GLB1: variants seen among roughly 807,000 people sequenced by gnomAD.
The protein encoded by GLB1 is beta-galactosidase.
Under a neutral mutation model 74.0 loss-of-function variants are expected in GLB1, and 56 were observed. The observed-to-expected ratio is 0.76, with a 90% CI of 0.61 to 0.94. The LOEUF (loss-of-function observed/expected upper bound fraction) is 0.94, where lower values mean the gene tolerates loss of function less well. GLB1 is among the 40% of genes least tolerant of loss of function. The pLI, the probability that GLB1 is intolerant of heterozygous loss-of-function variation, is 0.00. For missense variants in GLB1, 787 were observed against 845.5 expected (o/e 0.93, Z 0.86); for synonymous variants, 323 against 323.6 (o/e 1.00, Z 0.02).
intron 1 of GLB1, among the ~76,000 whole-genome samples, chr3:33,080,706 A>C (rs1218592328): frequency 6.6e-6 from 1 of 152,172 alleles, no homozygotes; most frequent in Non-Finnish European, 1.5e-5. Flanking sequence ...CAGAGTGATA[A>C]CTACAATATG....
chr3:32,975,605 TAGAG>T, the GLB1 span, among the ~76,000 whole-genome samples: 12 of 151,986 alleles, frequency 7.9e-5, no homozygotes, highest in African/African-American at 2.4e-4. Context: ...AAGAGGGAAA[TAGAG>T]AGAGACTGCG....
intron 9 of GLB1, among the ~76,000 whole-genome samples, chr3:33,047,564 G>C (rs1260443966): frequency 6.6e-6 from 1 of 152,232 alleles, no homozygotes; most frequent in African/African-American, 2.4e-5. Flanking sequence ...GCAAGTGTGT[G>C]AGAATGAAGT....
At chr3:33,084,583 G>A (rs1191184324) in intron 1 of GLB1, among the ~76,000 whole-genome samples, 1 of 152,202 alleles carries the variant, frequency 6.6e-6, no homozygotes, top group Non-Finnish European at 1.5e-5. Context: ...ACTGGATAAA[G>A]AAGGCAAATC....
chr3:33,086,951 G>C (rs550877973), intron 1 of GLB1, among the ~76,000 whole-genome samples: 63 of 135,664 alleles, frequency 4.6e-4, no homozygotes, highest in African/African-American at 1.6e-3. Context: ...TATTAGAGTA[G>C]AAATAAACAA....
intron 10 of GLB1, chr3:33,033,907 G>T: frequency 1.9e-6 from 1 of 537,700 alleles, no homozygotes; most frequent in South Asian, 1.5e-5. Context: ...ATAAGGATAT[G>T]ATTTATGATG....
chr3:33,087,154 T>C (rs1032421764), intron 1 of GLB1, among the ~76,000 whole-genome samples: 4 of 151,844 alleles, frequency 2.6e-5, no homozygotes, highest in East Asian at 1.9e-4. Context: ...TGCCAACAAA[T>C]TGGATAACCT....
the GLB1 span, among the ~76,000 whole-genome samples, chr3:32,965,774 C>A: frequency 6.6e-6 from 1 of 152,284 alleles, no homozygotes; most frequent in South Asian, 2.1e-4. Flanking sequence ...GTCCAGGGCC[C>A]CCCTGCAGTG....
At chr3:33,061,696 T>C (rs1699450994) in intron 5 of GLB1, 1 of 152,208 alleles carries the variant, frequency 6.6e-6, no homozygotes, top group Admixed American at 6.6e-5. Flanking sequence ...AATAGGCTTA[T>C]TACCTCATGA....
intron 12 of GLB1, 28 bp from the exon 13 acceptor site, chr3:33,018,589 A>G: frequency 6.2e-7 from 1 of 1,610,714 alleles, no homozygotes; most frequent in East Asian, 2.2e-5. Flanking sequence ...TAAGAAAAAT[A>G]CATCACTATT....
intron 15 of GLB1, among the ~76,000 whole-genome samples, chr3:33,001,225 C>T (rs1696555759): frequency 6.7e-6 from 1 of 148,480 alleles, no homozygotes; most frequent in African/African-American, 2.5e-5. Context: ...TCTCTTCTCT[C>T]TCTCTCTCTC....
chr3:32,981,585 C>A, the GLB1 span, among the ~76,000 whole-genome samples: 20 of 151,760 alleles, frequency 1.3e-4, no homozygotes, highest in African/African-American at 4.8e-4. Flanking sequence ...ACCAGCCTGG[C>A]CAACATGAGG....
chr3:33,024,127 A>G, intron 11 of GLB1, 124 bp downstream of exon 11: 1 of 1,158,558 alleles, frequency 8.6e-7, no homozygotes, highest in Non-Finnish European at 1.2e-6. Flanking sequence ...GCTTGCAGAA[A>G]ACAAATTCGC....
chr3:33,093,909 G>T lies in GLB1; in HGVS notation c.75+3102C>A. 6.2e-7 allele frequency: 1 copy of T among 1,613,988 alleles called. No homozygotes were observed. The highest frequency in any genetic ancestry group is 8.5e-7 in the Non-Finnish European group (1 of 1,179,978). On this transcript the variant is annotated intron_variant, in intron 1 of 15. Coordinates refer to ENST00000307363, the MANE Select transcript of GLB1 (RefSeq NM_000404.4). The surrounding 1 kb of genome is among the most constrained non-coding windows in gnomAD (Gnocchi z 6.0). ...GAACATGGTAAAGAAACTGGAATGG[G>T]CCAGGGCCAGAAATGCCAGAACCAC...
Position 33,047,954 on chromosome 3 carries a change from G to GA in GLB1, c.956-1723dup, listed in dbSNP as rs111834697. 6.8e-4 allele frequency among the ~76,000 whole-genome samples: 99 copies of GA among 145,740 alleles called. 1 individual carries two copies. The highest frequency in any genetic ancestry group is 1.6e-3 in the Admixed American group (24 of 14,598). ...CACATCCCTTCCTGTGAGACACAAA[G>GA]AAAAAAAAAAACCCACATCCGTTGC... On this transcript the variant is annotated intron_variant, in intron 9 of 15. Transcript: ENST00000307363.
intron 1 of GLB1, among the ~76,000 whole-genome samples, chr3:33,083,553 C>T (rs1341089080): frequency 1.3e-5 from 2 of 152,028 alleles, no homozygotes; most frequent in African/African-American, 2.4e-5. Flanking sequence ...TGAATTGGCG[C>T]AGGAATGCAA....
Position 33,059,292 on chromosome 3 carries a change from G to C in GLB1, c.553-1023C>G, listed in dbSNP as rs796249331. ...ACACACACACACACACACACACACA[G>C]AGCAAATAAACCAATATACAATATC... On this transcript the variant is annotated intron_variant, in intron 5 of 15. Coordinates refer to ENST00000307363, the MANE Select transcript of GLB1 (RefSeq NM_000404.4). 3.0e-3 allele frequency among the ~76,000 whole-genome samples: 401 copies of C among 132,772 alleles called. 2 individuals carry two copies. Among genetic ancestry groups the C allele is most frequent in the African/African-American group, 0.011 (381 of 33,444 alleles). The allele number at this position is 132,772 out of a possible 152,430, so 87.1% of individuals were successfully genotyped here. A position where few individuals can be genotyped will look rare whatever the true frequency, so the allele number is the denominator to read the frequency against.
intron 15 of GLB1, among the ~76,000 whole-genome samples, chr3:32,997,925 A>C (rs1335309912): frequency 6.6e-6 from 1 of 152,178 alleles, no homozygotes; most frequent in Non-Finnish European, 1.5e-5. Context: ...TCCCCAAAAC[A>C]ACCCCTCAAG....
intron 3 of GLB1, 69 bp downstream of exon 3, chr3:33,068,751 C>T (rs1307053446): frequency 4.3e-6 from 7 of 1,611,480 alleles, no homozygotes. Flanking sequence ...TGCTTTAATT[C>T]CCTTTGCCCC....
In GLB1 at chr3:33,046,198, G is replaced by A. The variant is rs756358234; in HGVS notation, c.990C>T (p.Ser330=). 1.2e-6 allele frequency: 2 copies of A among 1,613,920 alleles called. No homozygotes were observed. Among genetic ancestry groups the A allele is most frequent in the African/African-American group, 1.3e-5 (1 of 74,906 alleles). Residue 330 remains serine, a synonymous_variant, in exon 10 of 16, where the codon AGC becomes AGT. Coordinates refer to ENST00000307363, the MANE Select transcript of GLB1 (RefSeq NM_000404.4). ...ANSPYAAQPT[S]YDYDAPLSEA... The stretch of plus-strand genomic sequence containing the variant: ...CACTCAGTGGGGCATCATAGTCGTA[G>A]CTGGTGGGCTGTGCTGCATAGGGTG...
Sources: gnomAD v4.1 joint callset for allele counts (sites outside exome capture counted in the v4.1 genomes callset) on GRCh38, gnomAD v4.1.1 for gene constraint, Gnocchi (gnomAD v3.1) non-coding constraint, MANE v1.5 for transcripts, NCBI Gene and HGNC (gene_info 2026-07-23, HGNC 2026-07-21) for gene names.